Variants in MECOM observed in about 807,000 individuals in gnomAD.
The protein encoded by MECOM is histone-lysine N-methyltransferase MECOM.
MECOM carries 13 observed loss-of-function variants against 116.3 expected under a neutral mutation model. The observed-to-expected ratio is 0.11, with a 90% confidence interval of 0.07 to 0.18. The LOEUF (loss-of-function observed/expected upper bound fraction) is 0.18, where lower values mean the gene tolerates loss of function less well. Among genes scored for constraint, MECOM ranks in the 10% least tolerant of loss-of-function variants. MECOM has a pLI of 1.00. For missense variants in MECOM, 1,299 were observed against 1,509.0 expected, an observed-to-expected ratio of 0.86 and a Z score of 2.31; for synonymous variants, 528 against 535.2, an observed-to-expected ratio of 0.99 and a Z score of 0.19.
chr3:169,341,935 C>G (rs183644726), intron 2 of MECOM, among the ~76,000 whole-genome samples: 5 of 152,128 alleles, frequency 3.3e-5, no homozygotes, highest in East Asian at 3.9e-4. Context: ...ATGACTGTAT[C>G]AAAACATCTC....
intron 1 of MECOM, among the ~76,000 whole-genome samples, chr3:169,555,209 CTTCA>C (rs953146692): frequency 6.6e-6 from 1 of 152,162 alleles, no homozygotes; most frequent in East Asian, 1.9e-4. Context: ...TCCTTCATGT[CTTCA>C]TTCATTCATT....
intron 1 of MECOM, among the ~76,000 whole-genome samples, chr3:169,657,198 T>A (rs546384034): frequency 2.0e-5 from 3 of 152,322 alleles, no homozygotes; most frequent in African/African-American, 7.2e-5. Context: ...CTAAATACAC[T>A]AAAGTTACAC....
intron 7 of MECOM, 141 bp from the exon 8 acceptor site, chr3:169,116,880 C>T: frequency 9.7e-7 from 1 of 1,035,848 alleles, no homozygotes; most frequent in Non-Finnish European, 1.3e-6. Flanking sequence ...GTGCTCCAAA[C>T]ACAGAAAACC....
chr3:169,145,127 G>C, intron 2 of MECOM: 1 of 886,668 alleles, frequency 1.1e-6, no homozygotes, highest in Non-Finnish European at 1.7e-6. Context: ...TCGAACATAA[G>C]ATAGGGATAT....
At chr3:169,585,753 G>T (rs985075418) in intron 1 of MECOM, among the ~76,000 whole-genome samples, 2 of 152,200 alleles carry the variant, frequency 1.3e-5, no homozygotes, top group South Asian at 4.1e-4. Context: ...AATAGCACCT[G>T]TAACAGTTTC....
intron 1 of MECOM, chr3:169,477,019 T>C (rs1750502911): frequency 6.7e-6 from 1 of 148,458 alleles, no homozygotes; most frequent in Non-Finnish European, 1.5e-5. Context: ...TTTTTAGAAA[T>C]ACTCATGTTA....
chr3:169,086,879 A>G (rs1175295111), intron 16 of MECOM, among the ~76,000 whole-genome samples: 2 of 152,214 alleles, frequency 1.3e-5, no homozygotes, highest in African/African-American at 4.8e-5. Flanking sequence ...AGAAAATGGC[A>G]AAACAGCATA....
At chr3:169,100,101 C>CTTT (rs869032341) in intron 12 of MECOM, among the ~76,000 whole-genome samples, 716 of 50,448 alleles carry the variant, frequency 0.014, 1 homozygote, top group African/African-American at 0.019. Context: ...TTCTTTCTTT[C>CTTT]TTTTTTTTTT....
intron 2 of MECOM, among the ~76,000 whole-genome samples, chr3:169,212,662 ATATATATATATATATATATATATG>A (rs1750912791): frequency 8.2e-6 from 1 of 122,428 alleles, no homozygotes; most frequent in Non-Finnish European, 1.7e-5. Context: ...ATATATATAT[ATATATATATATATATATATATATG>A]CAACAAAAGT....
intron 1 of MECOM, among the ~76,000 whole-genome samples, chr3:169,554,333 G>A (rs11713381): frequency 0.22 from 32,925 of 152,018 alleles, 4,630 homozygotes; most frequent in East Asian, 0.7. Flanking sequence ...GCTTATTACA[G>A]CAGTTCGCCT....
chr3:169,221,276 A>G (rs1261787367), intron 2 of MECOM, among the ~76,000 whole-genome samples: 2 of 152,236 alleles, frequency 1.3e-5, no homozygotes, highest in South Asian at 2.1e-4. Context: ...CACCAGAACT[A>G]TCACCTTTGT....
intron 1 of MECOM, among the ~76,000 whole-genome samples, chr3:169,579,458 T>A (rs1403830174): frequency 6.6e-6 from 1 of 152,132 alleles, no homozygotes; most frequent in Non-Finnish European, 1.5e-5. Context: ...AAACAGGGAC[T>A]GTGAAAGAAA....
At chr3:169,161,271 A>C (rs972821701) in intron 2 of MECOM, among the ~76,000 whole-genome samples, 1 of 152,164 alleles carries the variant, frequency 6.6e-6, no homozygotes, top group African/African-American at 2.4e-5. Context: ...CATTGCCACT[A>C]CTGGGAAGAC....
At chr3:169,302,900 AT>A (rs1370844076) in intron 2 of MECOM, among the ~76,000 whole-genome samples, 2 of 152,126 alleles carry the variant, frequency 1.3e-5, no homozygotes, top group African/African-American at 4.8e-5. Flanking sequence ...AACAAACTAG[AT>A]TTTACTAAAC....
At chr3:169,152,703 CA>C (rs1741361166) in intron 2 of MECOM, among the ~76,000 whole-genome samples, 1 of 152,202 alleles carries the variant, frequency 6.6e-6, no homozygotes, top group Non-Finnish European at 1.5e-5. Context: ...GTCCCTACAG[CA>C]TGGGATCCTT....
intron 1 of MECOM, among the ~76,000 whole-genome samples, chr3:169,467,804 C>T (rs1422495057): frequency 6.6e-6 from 1 of 152,098 alleles, no homozygotes; most frequent in African/African-American, 2.4e-5. Flanking sequence ...ACAACAAGAC[C>T]TGGGAAAACT....
At chr3:169,353,310 A>G (rs1055708440) in intron 2 of MECOM, among the ~76,000 whole-genome samples, 2 of 151,946 alleles carry the variant, frequency 1.3e-5, no homozygotes, top group Non-Finnish European at 2.9e-5. Flanking sequence ...ATTTTGGAAA[A>G]TAATGTTAAT....
intron 1 of MECOM, among the ~76,000 whole-genome samples, chr3:169,434,803 C>CAA: frequency 6.6e-6 from 1 of 152,228 alleles, no homozygotes; most frequent in South Asian, 2.1e-4. Context: ...TTTTTTCTCT[C>CAA]AAAACTATTT....
At chr3:169,263,391 G>A (rs1757861603) in intron 2 of MECOM, among the ~76,000 whole-genome samples, 2 of 151,560 alleles carry the variant, frequency 1.3e-5, no homozygotes, top group Admixed American at 6.6e-5. Flanking sequence ...GCCTCCCAAA[G>A]TGCTGGGATT....
Sources: allele counts gnomAD v4.1 joint callset (sites outside exome capture counted in the v4.1 genomes callset), GRCh38; gene constraint gnomAD v4.1.1; transcripts MANE v1.5; gene names NCBI Gene and HGNC (gene_info 2026-07-23, HGNC 2026-07-21).